Variants in CORO2A observed in about 807,000 individuals in gnomAD.
The protein encoded by CORO2A is coronin-2A.
CORO2A carries 47 observed loss-of-function variants against 62.4 expected under a neutral mutation model. The ratio of observed to expected loss-of-function variants is 0.75; its 90% CI spans 0.60 to 0.96. CORO2A has a LOEUF of 0.96. CORO2A is among the 40% of genes least tolerant of loss of function. The pLI is 0.00. For missense variants in CORO2A, 610 were observed against 684.1 expected (o/e 0.89, Z 1.21); for synonymous variants, 273 against 268.9 (o/e 1.02, Z -0.15).
In CORO2A at chr9:98,126,638, C is replaced by T. The variant is rs1587989376; in HGVS notation, c.1357G>A (p.Ala453Thr). Reference sequence around the variant, plus strand: ...TTCTCCTCCAGCCTGTGTTCTGCTGCCCACCTTGGCATCTTCTCCTCCAAC... The same window carrying T: ...TTCTCCTCCAGCCTGTGTTCTGCTGTCCACCTTGGCATCTTCTCCTCCAAC... ...SLLEEKMPRW[A>T]AEHRLEEKKT... Residue 453 changes from alanine to threonine, a missense_variant, in exon 11 of 12, where the codon GCA becomes ACA. Coordinates refer to ENST00000375077, the MANE Select transcript of CORO2A (RefSeq NM_052820.4). 1 of 1,614,212 alleles carries T rather than the reference C, an allele frequency of 6.2e-7. No homozygotes were observed.
At chr9:98,174,819 T>C (rs1828087133) in intron 1 of CORO2A, among the ~76,000 whole-genome samples, 1 of 152,172 alleles carries the variant, frequency 6.6e-6, no homozygotes, top group African/African-American at 2.4e-5. Flanking sequence ...CTTTCCTTTA[T>C]AAATTACCCA....
intron 2 of CORO2A, among the ~76,000 whole-genome samples, chr9:98,144,614 C>T (rs1827617578): frequency 6.6e-6 from 1 of 152,154 alleles, no homozygotes; most frequent in African/African-American, 2.4e-5. Context: ...GAGAGGCACA[C>T]AAGAGACCTG....
chr9:98,190,401 C>CTTTTTTTTTTTTTTTTTATT (rs1828292324), intron 1 of CORO2A, among the ~76,000 whole-genome samples: 1 of 152,056 alleles, frequency 6.6e-6, no homozygotes, highest in Non-Finnish European at 1.5e-5. Flanking sequence ...TTTATTTTTG[C>CTTTTTTTTTTTTTTTTTATT]TAATTTTACA....
chr9:98,141,939 G>GA (rs3837265), intron 2 of CORO2A, among the ~76,000 whole-genome samples: 26,639 of 150,614 alleles, frequency 0.18, 2,546 homozygotes, highest in African/African-American at 0.25. Context: ...TCAAAACTGA[G>GA]AAAAAAAAAC....
chr9:98,144,902 C>T (rs1587998726), intron 2 of CORO2A, among the ~76,000 whole-genome samples: 2 of 151,964 alleles, frequency 1.3e-5, no homozygotes, highest in Non-Finnish European at 2.9e-5. Context: ...GAGAGGTGGA[C>T]AAATGGATAG....
Position 98,124,843 on chromosome 9 carries a change from C to G in CORO2A, c.1509G>C (p.Gln503His). 6.2e-7 allele frequency: 1 copy of G among 1,604,124 alleles called. No individual in the cohort carries two copies. The highest frequency in any genetic ancestry group is 8.5e-7 in the Non-Finnish European group (1 of 1,174,408). The change falls in exon 12 of 12, where the codon CAG becomes CAC. Residue 503 changes from glutamine (Q) to histidine (H), a missense_variant. Transcript: ENST00000375077. ...CCAACTGTTTGGCCTGGACCTCTCG[C>G]TGGGTCAACAGCTCCCGGAGCCTTC... Reference protein sequence around the residue: ...EIRRLRELLTQREVQAKQLEL... With the variant: ...EIRRLRELLTHREVQAKQLEL...
chr9:98,166,474 T>C (rs763208995), intron 1 of CORO2A, among the ~76,000 whole-genome samples: 9 of 152,198 alleles, frequency 5.9e-5, no homozygotes, highest in Non-Finnish European at 1.2e-4. Context: ...TGATAAGGTG[T>C]TAATGTTGAG....
At chr9:98,176,019 A>C (rs1237770479) in intron 1 of CORO2A, among the ~76,000 whole-genome samples, 1 of 152,254 alleles carries the variant, frequency 6.6e-6, no homozygotes, top group East Asian at 1.9e-4. Flanking sequence ...CATTTAATAA[A>C]AATGAATATG....
In CORO2A at chr9:98,133,066, A is replaced by T; in HGVS notation, c.620T>A (p.Ile207Asn). The T allele has an allele frequency of 6.2e-7, 1 of 1,614,246 alleles. No individual in the cohort carries two copies. The highest frequency in any genetic ancestry group is 8.5e-7 in the Non-Finnish European group (1 of 1,180,040). Residue 207 changes from isoleucine to asparagine, a missense_variant, in exon 5 of 12, where the codon ATT (isoleucine) becomes AAT (asparagine). Ile to Asn is a moderately radical substitution (Grantham distance 149). Transcript: ENST00000375077. Reference protein sequence around the residue: ...TTCKDRKIRVIDPRAGTVLQE... With the variant: ...TTCKDRKIRVNDPRAGTVLQE... ...GAGGACGGTCCCTGCTCGGGGGTCA[A>T]TAACCCGAATCTTGCGGTCTTTGCA...
chr9:98,192,376 G>A (rs980225362), intron 1 of CORO2A, among the ~76,000 whole-genome samples, 183 bp downstream of exon 1: 3 of 152,244 alleles, frequency 2.0e-5, no homozygotes, highest in South Asian at 2.1e-4. Flanking sequence ...CGGGGAAACT[G>A]AGGCCTGGAG....
chr9:98,157,195 A>G (rs1827816499), intron 2 of CORO2A, among the ~76,000 whole-genome samples: 1 of 152,170 alleles, frequency 6.6e-6, no homozygotes, highest in Admixed American at 6.5e-5. Context: ...TATTTTATTC[A>G]GGAGGAAATA....
In CORO2A at chr9:98,130,964, C is replaced by T; in HGVS notation, c.861G>A (p.Val287=). ...FYDADTSMLY[V]VGKGDGNIRY... ...CCCGTGCCAAGCCGACCTTCCCCAC[C>T]ACGTAGAGCATGCTGGTGTCCGCGT... is the stretch of plus-strand genomic sequence containing the variant. The change falls in exon 7 of 12, where the codon GTG becomes GTA. Residue 287 remains valine, a synonymous_variant. Coordinates refer to ENST00000375077, the MANE Select transcript of CORO2A (RefSeq NM_052820.4). 1 of 1,613,622 alleles carries T rather than the reference C, an allele frequency of 6.2e-7. No individual in the cohort carries two copies. Among genetic ancestry groups the T allele is most frequent in the South Asian group, 1.1e-5 (1 of 90,980 alleles).
rs765933563 is a variant in CORO2A, at chr9:98,129,794, C to T, written c.967G>A (p.Gly323Ser). 8.1e-6 allele frequency: 13 copies of T among 1,611,500 alleles called. No homozygotes were observed. Among genetic ancestry groups the T allele is most frequent in the South Asian group, 7.7e-5 (7 of 91,028 alleles). The change falls in exon 8 of 12, where the codon GGT becomes AGT. Residue 323 changes from glycine to serine, a missense_variant and splice_region_variant. By Grantham distance (56) the Gly-to-Ser change is moderately conservative. Coordinates refer to ENST00000375077, the MANE Select transcript of CORO2A (RefSeq NM_052820.4). ...YRSYNPQKGIGVMPKRGLDVS... is the reference protein window; with the variant it reads ...YRSYNPQKGISVMPKRGLDVS... Reference sequence around the variant, plus strand: ...ATGAACTTCAGTGTCCCTCACTTACCGATCCCCTTCTGTGGGTTATAGGAG... The same window carrying T: ...ATGAACTTCAGTGTCCCTCACTTACTGATCCCCTTCTGTGGGTTATAGGAG...
rs563807028 is a variant in CORO2A at position 98,170,914 on chromosome 9, CA to C, written c.1-13255del. 1.4e-3 allele frequency among the ~76,000 whole-genome samples: 217 copies of C among 152,350 alleles called. 1 individual carries two copies. Among genetic ancestry groups the C allele is most frequent in the Admixed American group, 3.7e-3 (57 of 15,300 alleles). ...CACACACCAGACACACACAGGACCA[CA>C]AGGGCGACAGAGCTGTCCAGCCATC... On this transcript the variant is annotated intron_variant, in intron 1 of 11. Transcript: ENST00000375077.
chr9:98,189,302 A>G (rs1184201519), intron 1 of CORO2A, among the ~76,000 whole-genome samples: 2 of 152,164 alleles, frequency 1.3e-5, no homozygotes, highest in African/African-American at 4.8e-5. Flanking sequence ...AGCACGTCCA[A>G]TCTGTTCTGA....
chr9:98,165,525 A>G (rs1257545909), intron 1 of CORO2A, among the ~76,000 whole-genome samples: 1 of 152,226 alleles, frequency 6.6e-6, no homozygotes, highest in African/African-American at 2.4e-5. Flanking sequence ...AGAGATGAAT[A>G]ATTCAGTCAC....
At position 98,189,640 on chromosome 9, in the gene CORO2A, A is replaced by G. The variant is rs1398872796; in HGVS notation, c.-1+2919T>C. Among the ~76,000 whole-genome samples, 11 of 152,316 alleles carry G rather than the reference A, an allele frequency of 7.2e-5. No homozygotes were observed. In the East Asian group the frequency reaches 2.1e-3, roughly 29 times the overall value. ...CCCCATTTCACAGATGGAGAAAGTG[A>G]GGTCCAGAGAGGGGAACGGATCGGC... is the stretch of plus-strand genomic sequence containing the variant. On this transcript the variant is annotated intron_variant, in intron 1 of 11. Transcript: ENST00000375077.
chr9:98,172,091 C>G (rs571765111), intron 1 of CORO2A, among the ~76,000 whole-genome samples: 1 of 151,968 alleles, frequency 6.6e-6, no homozygotes, highest in Non-Finnish European at 1.5e-5. Flanking sequence ...TGAGGCCTTC[C>G]GTGCTTGGAC....
intron 1 of CORO2A, among the ~76,000 whole-genome samples, chr9:98,171,765 G>T (rs915584380): frequency 6.6e-6 from 1 of 151,992 alleles, no homozygotes; most frequent in African/African-American, 2.4e-5. Context: ...GCGCGGGGGT[G>T]GGGAGGCTGG....
Sources: gnomAD v4.1 joint callset for allele counts (sites outside exome capture counted in the v4.1 genomes callset) on GRCh38, gnomAD v4.1.1 for gene constraint, MANE v1.5 for transcripts, NCBI Gene and HGNC (gene_info 2026-07-23, HGNC 2026-07-21) for gene names.